The following CFAP47 variants were observed in gnomAD, a reference collection of about 807,000 sequenced individuals.
CFAP47 encodes cilia and flagella associated protein 47.
A neutral mutation model predicts 148.1 loss-of-function variants in CFAP47; 29 were observed. The observed-to-expected ratio is 0.20, with a 90% confidence interval of 0.15 to 0.27. The LOEUF (loss-of-function observed/expected upper bound fraction) is 0.27. Ranked by LOEUF, CFAP47 falls within the 10% of genes least tolerant of loss-of-function variation. The pLI, the probability that CFAP47 is intolerant of heterozygous loss-of-function variation, is 1.00. For synonymous variants in CFAP47, 664 were observed against 577.3 expected (o/e 1.15, Z -2.15); for missense variants, 1,872 against 1,697.5 (o/e 1.10, Z -1.81).
At chrX:36,304,805 T>C (rs1941333530) in intron 54 of CFAP47, among the ~76,000 whole-genome samples, 1 of 111,807 alleles carries the variant, frequency 8.9e-6, no homozygotes, top group Non-Finnish European at 1.9e-5. Flanking sequence ...CAGTCAATGA[T>C]ACTAAATCAC....
intron 48 of CFAP47, among the ~76,000 whole-genome samples, chrX:36,241,963 G>A (rs1940550412): frequency 9.0e-6 from 1 of 111,538 alleles, no homozygotes; most frequent in Non-Finnish European, 1.9e-5. Flanking sequence ...TCCCACCACA[G>A]AGCACACATG....
intron 1 of CFAP47, among the ~76,000 whole-genome samples, chrX:35,924,249 A>ATG (rs1398689395): frequency 4.5e-5 from 3 of 66,935 alleles, no homozygotes; most frequent in South Asian, 5.9e-4. Context: ...GTATGTGTGC[A>ATG]TATGGACATG....
chrX:36,286,515 G>A (rs1556004603), intron 51 of CFAP47, among the ~76,000 whole-genome samples: 1 of 110,253 alleles, frequency 9.1e-6, no homozygotes, highest in Non-Finnish European at 1.9e-5. Context: ...TTTAGGCATA[G>A]AAGATGAATG....
intron 33 of CFAP47, among the ~76,000 whole-genome samples, chrX:36,135,932 A>G (rs777532400): frequency 5.4e-5 from 6 of 111,837 alleles, no homozygotes; most frequent in Non-Finnish European, 1.1e-4. Context: ...GAGCTTATTT[A>G]ATGGTAAAGA....
At chrX:35,924,361 ATG>A (rs781269148) in intron 1 of CFAP47, among the ~76,000 whole-genome samples, 6 of 101,235 alleles carry the variant, frequency 5.9e-5, no homozygotes, top group African/African-American at 1.3e-4. Flanking sequence ...ATGTGTATAT[ATG>A]TATATGTGCA....
At chrX:36,236,982 A>T (rs1416499255) in intron 48 of CFAP47, 123 bp downstream of exon 48, 2 of 404,948 alleles carry the variant, frequency 4.9e-6, no homozygotes, top group South Asian at 4.9e-5. Context: ...GCAATGTCAC[A>T]TAAGATGTCT....
At chrX:36,116,039 C>T (rs1321919661) in intron 33 of CFAP47, among the ~76,000 whole-genome samples, 4 of 111,853 alleles carry the variant, frequency 3.6e-5, no homozygotes, top group African/African-American at 1.3e-4. Flanking sequence ...CACACTGTAA[C>T]CGTTGCAGTT....
At chrX:35,993,012 C>T (rs1177043793) in intron 17 of CFAP47, among the ~76,000 whole-genome samples, 178 bp from the exon 18 acceptor site, 3 of 111,612 alleles carry the variant, frequency 2.7e-5, no homozygotes, top group Non-Finnish European at 5.7e-5. Context: ...GTTGCAGTTT[C>T]TTGTTTTAGT....
chrX:35,974,645 T>G (rs190874137), intron 13 of CFAP47, among the ~76,000 whole-genome samples: 1 of 112,132 alleles, frequency 8.9e-6, no homozygotes, highest in Non-Finnish European at 1.9e-5. Context: ...ATATGTTCAG[T>G]TTACTTACTA....
At chrX:36,316,018 T>C (rs1458806871) in intron 56 of CFAP47, among the ~76,000 whole-genome samples, 1 of 111,615 alleles carries the variant, frequency 9.0e-6, no homozygotes, top group East Asian at 2.8e-4. Flanking sequence ...CTTAACAACT[T>C]GTTCACGATC....
intron 48 of CFAP47, among the ~76,000 whole-genome samples, chrX:36,245,262 C>T (rs1316145131): frequency 6.3e-5 from 7 of 111,605 alleles, no homozygotes; most frequent in African/African-American, 3.3e-5. Context: ...GAAGCATTCA[C>T]CTTGAGTACT....
At chrX:36,039,231 GTTTC>G in intron 25 of CFAP47, 52 bp downstream of exon 25, 1 of 575,062 alleles carries the variant, frequency 1.7e-6, no homozygotes, top group East Asian at 4.6e-5. Flanking sequence ...TTTTTTGTTT[GTTTC>G]TGTGTTATAT....
intron 45 of CFAP47, among the ~76,000 whole-genome samples, chrX:36,216,051 G>A (rs900758005): frequency 9.0e-6 from 1 of 111,459 alleles, no homozygotes; most frequent in Admixed American, 9.5e-5. Flanking sequence ...AGTGCAAGCT[G>A]CTCAGGGCTG....
intron 44 of CFAP47, among the ~76,000 whole-genome samples, chrX:36,203,910 G>A (rs1940009503): frequency 2.7e-5 from 3 of 111,601 alleles, no homozygotes; most frequent in Admixed American, 9.5e-5. Flanking sequence ...GAACATCTGT[G>A]GAGAGGTGGG....
At chrX:36,031,499 G>A (rs1471922401) in intron 23 of CFAP47, among the ~76,000 whole-genome samples, 152 bp downstream of exon 23, 3 of 109,789 alleles carry the variant, frequency 2.7e-5, no homozygotes, top group Non-Finnish European at 3.8e-5. Context: ...CAAGAATACC[G>A]GCATTTTTTA....
intron 1 of CFAP47, among the ~76,000 whole-genome samples, chrX:35,925,265 T>G (rs182997814): frequency 2.7e-5 from 3 of 110,249 alleles, no homozygotes; most frequent in African/African-American, 9.9e-5. Flanking sequence ...TCCCAGCTAC[T>G]CGGGAGGCTG....
chrX:36,370,323 T>C (rs1556021114), intron 62 of CFAP47, among the ~76,000 whole-genome samples: 1 of 94,314 alleles, frequency 1.1e-5, no homozygotes, highest in Non-Finnish European at 2.0e-5. Flanking sequence ...ATTGTTCACC[T>C]CCCACTTATG....
At chrX:36,288,284 G>A (rs1442429871) in intron 51 of CFAP47, among the ~76,000 whole-genome samples, 3 of 111,920 alleles carry the variant, frequency 2.7e-5, no homozygotes, top group East Asian at 5.6e-4. Flanking sequence ...TTCTCTGTTA[G>A]TATAAAGTAT....
At position 36,228,838 on chromosome X, in the gene CFAP47, T is replaced by G. The variant is rs782061321; in HGVS notation, c.7014+14T>G. ...AATATTCCAATAGTATGTATAAACT[T>G]TTTTGGTACCTTTCTTTATTCATAT... On this transcript the variant is annotated intron_variant, in intron 46 of 63. Transcript: ENST00000378653. 8 of 513,581 alleles carry G rather than the reference T, an allele frequency of 1.6e-5. No individual in the cohort carries two copies. The South Asian group carries it at 2.1e-4, about 13-fold the overall frequency. The allele number at this position is 513,581 out of a possible 1,213,427, so 42.3% of individuals were successfully genotyped here. A position where few individuals can be genotyped will look rare whatever the true frequency, so the allele number is the denominator to read the frequency against.
Sources: allele counts gnomAD v4.1 joint callset (sites outside exome capture counted in the v4.1 genomes callset), GRCh38; gene constraint gnomAD v4.1.1; transcripts MANE v1.5; gene names NCBI Gene and HGNC (gene_info 2026-07-23, HGNC 2026-07-21).